The following PLXNA4 variants were observed in gnomAD, a reference collection of about 807,000 sequenced individuals.
PLXNA4 encodes plexin-A4.
PLXNA4 carries 44 observed loss-of-function variants against 191.8 expected under a neutral mutation model. The ratio of observed to expected loss-of-function variants is 0.23; its 90% CI spans 0.18 to 0.29. The LOEUF is 0.29. Among genes scored for constraint, PLXNA4 ranks in the 10% least tolerant of loss-of-function variants. The pLI, the probability that PLXNA4 is intolerant of heterozygous loss-of-function variation, is 1.00. For synonymous variants in PLXNA4, 1,082 were observed against 1,009.5 expected (o/e 1.07, Z -1.36); for missense variants, 1,800 against 2,488.8 (o/e 0.72, Z 5.89).
At chr7:132,340,190 C>T (rs762603004) in intron 3 of PLXNA4, among the ~76,000 whole-genome samples, 7 of 152,140 alleles carry the variant, frequency 4.6e-5, no homozygotes, top group Admixed American at 6.6e-5. Flanking sequence ...ATCCTTAGTG[C>T]CCTGGTTGGA....
chr7:132,218,153 G>A (rs1235061698), intron 9 of PLXNA4, among the ~76,000 whole-genome samples: 5 of 152,226 alleles, frequency 3.3e-5, no homozygotes, highest in South Asian at 2.1e-4. Flanking sequence ...GGACTTTCTC[G>A]GCCTTGCCGG....
intron 1 of PLXNA4, among the ~76,000 whole-genome samples, chr7:132,544,490 C>T (rs1585308339): frequency 6.6e-6 from 1 of 152,264 alleles, no homozygotes; most frequent in East Asian, 1.9e-4. Context: ...GGATTACAAG[C>T]CAGGAAGTTC....
At chr7:132,291,059 G>A (rs1776527052) in intron 4 of PLXNA4, among the ~76,000 whole-genome samples, 1 of 152,142 alleles carries the variant, frequency 6.6e-6, no homozygotes, top group Admixed American at 6.5e-5. Flanking sequence ...CACGGAGGCT[G>A]GGGTGATCTG....
At chr7:132,591,756 A>G (rs989000709) in intron 2 of PLXNA4, among the ~76,000 whole-genome samples, 1 of 152,136 alleles carries the variant, frequency 6.6e-6, no homozygotes, top group Non-Finnish European at 1.5e-5. Context: ...CAGATGCATT[A>G]GTGTTGCCAT....
At chr7:132,555,045 G>GAAAAAAAAAACAAAC (rs1800729709) in intron 1 of PLXNA4, among the ~76,000 whole-genome samples, 1 of 111,942 alleles carries the variant, frequency 8.9e-6, no homozygotes, top group African/African-American at 3.7e-5. Context: ...AAACCTGAAG[G>GAAAAAAAAAACAAAC]AAAAAAAAAA....
intron 3 of PLXNA4, among the ~76,000 whole-genome samples, chr7:132,313,865 C>T (rs1473744302): frequency 6.6e-6 from 1 of 152,170 alleles, no homozygotes; most frequent in Non-Finnish European, 1.5e-5. Context: ...CTAAGGGTCA[C>T]ATCAGACACA....
intron 3 of PLXNA4, among the ~76,000 whole-genome samples, chr7:132,434,422 G>C (rs543417171): frequency 4.6e-5 from 7 of 152,326 alleles, no homozygotes; most frequent in African/African-American, 1.7e-4. Flanking sequence ...TGAACACTCT[G>C]TGCATGCTAT....
At chr7:132,587,752 C>A (rs1418595762) in intron 2 of PLXNA4, among the ~76,000 whole-genome samples, 1 of 151,962 alleles carries the variant, frequency 6.6e-6, no homozygotes, top group South Asian at 2.1e-4. Flanking sequence ...AGGTACAGAA[C>A]TCAATTAAAC....
intron 2 of PLXNA4, among the ~76,000 whole-genome samples, chr7:132,594,545 G>A (rs1247329342): frequency 6.6e-6 from 1 of 152,230 alleles, no homozygotes; most frequent in African/African-American, 2.4e-5. Context: ...CAAACTGTTT[G>A]AGTCTTGACT....
intron 3 of PLXNA4, among the ~76,000 whole-genome samples, chr7:132,322,202 T>A (rs1217984092): frequency 7.9e-6 from 1 of 126,174 alleles, no homozygotes. Flanking sequence ...TTTTTTTTTT[T>A]AACAGAGTCT....
intron 1 of PLXNA4, among the ~76,000 whole-genome samples, chr7:132,572,883 C>T (rs1353280585): frequency 6.6e-6 from 1 of 152,150 alleles, no homozygotes; most frequent in East Asian, 1.9e-4. Flanking sequence ...GGCCAATTAC[C>T]CTAATCATGT....
At chr7:132,132,535 C>G (rs966586215) in intron 31 of PLXNA4, among the ~76,000 whole-genome samples, 2 of 151,052 alleles carry the variant, frequency 1.3e-5, no homozygotes, top group Non-Finnish European at 2.9e-5. Flanking sequence ...CTATTCTATT[C>G]TATTCTATTC....
chr7:132,493,506 G>A (rs1056628380), intron 2 of PLXNA4, among the ~76,000 whole-genome samples: 4 of 152,154 alleles, frequency 2.6e-5, no homozygotes, highest in Non-Finnish European at 5.9e-5. Context: ...CTATCCAGAG[G>A]ACTCTGGATC....
At chr7:132,307,315 C>G (rs1386588270) in intron 3 of PLXNA4, among the ~76,000 whole-genome samples, 1 of 152,168 alleles carries the variant, frequency 6.6e-6, no homozygotes, top group Non-Finnish European at 1.5e-5. Flanking sequence ...CAGCGCTTGT[C>G]CCCTTCTGAC....
chr7:132,277,339 A>C (rs751974777), intron 4 of PLXNA4, among the ~76,000 whole-genome samples: 2 of 152,320 alleles, frequency 1.3e-5, no homozygotes, highest in African/African-American at 4.8e-5. Context: ...GTGAAGATGC[A>C]TTTAAATGCA....
At chr7:132,151,325 G>GAAA (rs1795604002) in intron 25 of PLXNA4, among the ~76,000 whole-genome samples, 1 of 67,824 alleles carries the variant, frequency 1.5e-5, no homozygotes, top group Non-Finnish European at 3.3e-5. Flanking sequence ...AGGAGGAGGA[G>GAAA]GAAGAAGAAG....
intron 2 of PLXNA4, among the ~76,000 whole-genome samples, chr7:132,582,434 C>T (rs1200076010): frequency 1.3e-5 from 2 of 152,194 alleles, no homozygotes; most frequent in African/African-American, 2.4e-5. Context: ...TATTCATGCC[C>T]TCATACAGTC....
chr7:132,453,324 A>G (rs538654237), intron 3 of PLXNA4, among the ~76,000 whole-genome samples: 4 of 152,130 alleles, frequency 2.6e-5, no homozygotes, highest in Non-Finnish European at 5.9e-5. Context: ...CTGCAGGGCC[A>G]TGGTTCTCCA....
chr7:132,419,907 C>G (rs907057694), intron 3 of PLXNA4, among the ~76,000 whole-genome samples: 1 of 152,096 alleles, frequency 6.6e-6, no homozygotes, highest in African/African-American at 2.4e-5. Context: ...TGGGCTATGA[C>G]ATAGCCTTCT....
Sources: gnomAD v4.1 joint callset for allele counts (sites outside exome capture counted in the v4.1 genomes callset) on GRCh38, gnomAD v4.1.1 for gene constraint, MANE v1.5 for transcripts, NCBI Gene and HGNC (gene_info 2026-07-23, HGNC 2026-07-21) for gene names.